SNTB1: variants seen among roughly 807,000 people sequenced by gnomAD.
The protein encoded by SNTB1 is beta-1-syntrophin.
SNTB1 carries 36 observed loss-of-function variants against 48.9 expected under a neutral mutation model. That is an observed-to-expected ratio of 0.74 (90% confidence interval 0.56 to 0.97). The LOEUF (loss-of-function observed/expected upper bound fraction) is 0.97. Ranked by LOEUF, SNTB1 falls within the 50% of genes least tolerant of loss-of-function variation. The pLI, the probability that SNTB1 is intolerant of heterozygous loss-of-function variation, is 0.00. For missense variants in SNTB1, 786 were observed against 703.4 expected (o/e 1.12, Z -1.33); for synonymous variants, 299 against 294.6 (o/e 1.01, Z -0.15).
At chr8:120,557,732 C>T (rs1815588654) in intron 4 of SNTB1, among the ~76,000 whole-genome samples, 1 of 152,172 alleles carries the variant, frequency 6.6e-6, no homozygotes, top group South Asian at 2.1e-4. Context: ...AGCCTGGTCT[C>T]CTCTCTCTTT....
intron 3 of SNTB1, among the ~76,000 whole-genome samples, chr8:120,581,627 G>A (rs1485978769): frequency 6.6e-6 from 1 of 152,062 alleles, no homozygotes; most frequent in Non-Finnish European, 1.5e-5. Context: ...AGAGCAGAAT[G>A]AGTGATGTAT....
At chr8:120,758,605 A>G (rs1305402839) in intron 1 of SNTB1, among the ~76,000 whole-genome samples, 3 of 152,200 alleles carry the variant, frequency 2.0e-5, no homozygotes, top group Non-Finnish European at 4.4e-5. Flanking sequence ...GGATTTCACA[A>G]TCACTCTGAT....
chr8:120,644,917 T>C (rs1447289351), intron 2 of SNTB1, among the ~76,000 whole-genome samples: 1 of 152,208 alleles, frequency 6.6e-6, no homozygotes, highest in Non-Finnish European at 1.5e-5. Context: ...TGGCCAGTGA[T>C]GATGAGCATT....
At chr8:120,773,741 C>T (rs905333585) in intron 1 of SNTB1, among the ~76,000 whole-genome samples, 1 of 152,092 alleles carries the variant, frequency 6.6e-6, no homozygotes, top group Non-Finnish European at 1.5e-5. Context: ...TTTAATATTC[C>T]CAAGCACCCT....
chr8:120,790,994 CTACTATAGTATATAG>C (rs764993015), intron 1 of SNTB1, among the ~76,000 whole-genome samples: 1 of 151,650 alleles, frequency 6.6e-6, no homozygotes, highest in African/African-American at 2.4e-5. Flanking sequence ...TCAAATTATA[CTACTATAGTATATAG>C]TACTATATAC....
At chr8:120,737,449 A>G (rs985162701) in intron 1 of SNTB1, among the ~76,000 whole-genome samples, 2 of 152,232 alleles carry the variant, frequency 1.3e-5, no homozygotes, top group Non-Finnish European at 2.9e-5. Flanking sequence ...GAGAGGAAGA[A>G]AAGTCATTTG....
At chr8:120,604,248 A>G (rs558532069) in intron 3 of SNTB1, among the ~76,000 whole-genome samples, 1 of 152,254 alleles carries the variant, frequency 6.6e-6, no homozygotes, top group South Asian at 2.1e-4. Context: ...CTCTGTCAGT[A>G]TAGTCATCTG....
chr8:120,632,551 C>G lies in SNTB1; in HGVS notation c.889G>C (p.Val297Leu). ...ATCACTCGGGTCAGCAGGTCATTAA[C>G]GTTGGAATGGATGGCACTGAACCAT... ...QAWFSAIHSN[V>L]NDLLTRVIAE... The change falls in exon 3 of 7, where the codon GTT (valine) becomes CTT (leucine). Residue 297 changes from valine to leucine, a missense_variant. Coordinates refer to ENST00000517992, the MANE Select transcript of SNTB1 (RefSeq NM_021021.4). The G allele has an allele frequency of 6.2e-7, 1 of 1,614,126 alleles. No homozygotes were observed. The highest frequency in any genetic ancestry group is 8.5e-7 in the Non-Finnish European group (1 of 1,180,018).
intron 3 of SNTB1, among the ~76,000 whole-genome samples, chr8:120,587,676 G>A (rs911819310): frequency 6.6e-6 from 1 of 151,828 alleles, no homozygotes; most frequent in African/African-American, 2.4e-5. Flanking sequence ...GAAGAGCTCA[G>A]AGGCCTGAGA....
chr8:120,643,300 G>A (rs1480877771), intron 2 of SNTB1, among the ~76,000 whole-genome samples: 1 of 152,180 alleles, frequency 6.6e-6, no homozygotes, highest in African/African-American at 2.4e-5. Context: ...TAGTTTTGGG[G>A]GAACAGGTGG....
At chr8:120,545,763 G>T (rs758018459) in intron 5 of SNTB1, among the ~76,000 whole-genome samples, 6 of 152,172 alleles carry the variant, frequency 3.9e-5, no homozygotes, top group Admixed American at 6.5e-5. Context: ...TGGCAAGCAC[G>T]ACTGAGGAAC....
intron 2 of SNTB1, among the ~76,000 whole-genome samples, chr8:120,688,803 G>A (rs1047862060): frequency 1.3e-5 from 2 of 152,210 alleles, no homozygotes; most frequent in African/African-American, 4.8e-5. Flanking sequence ...TAATACTGAG[G>A]AGTTTAGATA....
At chr8:120,764,883 A>G (rs1641033622) in intron 1 of SNTB1, among the ~76,000 whole-genome samples, 1 of 152,148 alleles carries the variant, frequency 6.6e-6, no homozygotes, top group Non-Finnish European at 1.5e-5. Flanking sequence ...CTTCACAAAC[A>G]TTAGAAACTC....
intron 1 of SNTB1, among the ~76,000 whole-genome samples, chr8:120,794,209 C>G (rs1820084212): frequency 6.6e-6 from 1 of 151,982 alleles, no homozygotes; most frequent in African/African-American, 2.4e-5. Flanking sequence ...ATACAATATT[C>G]TGAAGGATGA....
intron 1 of SNTB1, among the ~76,000 whole-genome samples, chr8:120,801,022 T>C (rs1002138999): frequency 1.3e-5 from 2 of 152,214 alleles, no homozygotes; most frequent in African/African-American, 4.8e-5. Context: ...TTCTGGGAAA[T>C]ATATAGTCTA....
At chr8:120,785,299 C>G (rs1819905711) in intron 1 of SNTB1, among the ~76,000 whole-genome samples, 1 of 152,150 alleles carries the variant, frequency 6.6e-6, no homozygotes, top group Non-Finnish European at 1.5e-5. Flanking sequence ...GGCCTGGAAA[C>G]CATGATTTCT....
intron 1 of SNTB1, among the ~76,000 whole-genome samples, chr8:120,716,199 A>C (rs1249034097): frequency 6.6e-6 from 1 of 152,220 alleles, no homozygotes; most frequent in Admixed American, 6.5e-5. Context: ...TGCAGGCATA[A>C]ATTTTTCTAC....
intron 2 of SNTB1, among the ~76,000 whole-genome samples, chr8:120,653,957 G>A (rs551235854): frequency 2.3e-4 from 33 of 141,646 alleles, no homozygotes; most frequent in East Asian, 2.0e-3. Flanking sequence ...GGAGAATGGC[G>A]TGAACCCGGA....
At chr8:120,769,541 G>A (rs74352783) in intron 1 of SNTB1, 6,331 of 152,330 alleles carry the variant, frequency 0.042, 167 homozygotes, top group South Asian at 0.078. Flanking sequence ...TTCTGGGTTG[G>A]GGGGGCGGTG....
Sources: allele counts gnomAD v4.1 joint callset (sites outside exome capture counted in the v4.1 genomes callset), GRCh38; gene constraint gnomAD v4.1.1; transcripts MANE v1.5; gene names NCBI Gene and HGNC (gene_info 2026-07-23, HGNC 2026-07-21).